The following NAA11 variants were observed in gnomAD, a reference collection of about 807,000 sequenced individuals.
NAA11 encodes the protein N-alpha-acetyltransferase 11.
NAA11 carries 15 observed loss-of-function variants against 16.1 expected under a neutral mutation model. The observed-to-expected ratio is 0.93, with a 90% CI of 0.62 to 1.44. NAA11 has a LOEUF of 1.44. Ranked by LOEUF, NAA11 falls within the 40% of genes most tolerant of loss-of-function variation. The probability of loss-of-function intolerance (pLI) is 0.00; values close to 1 mark genes in which losing one functional copy is unlikely to be tolerated. For synonymous variants in NAA11, 122 were observed against 112.4 expected, an observed-to-expected ratio of 1.09 and a Z score of -0.54; for missense variants, 298 against 291.3, an observed-to-expected ratio of 1.02 and a Z score of -0.17.
At chr4:79,257,673 A>G (rs891768585) in intron 2 of NAA11, among the ~76,000 whole-genome samples, 4 of 152,006 alleles carry the variant, frequency 2.6e-5, no homozygotes, top group Non-Finnish European at 4.4e-5. Flanking sequence ...AGCTTTTTAA[A>G]ATTTCTAATT....
At chr4:79,156,447 C>T in the NAA11 span, among the ~76,000 whole-genome samples, 2 of 152,040 alleles carry the variant, frequency 1.3e-5, no homozygotes, top group Non-Finnish European at 2.9e-5. Context: ...CTAAAATCTG[C>T]AGGATGGACC....
At chr4:79,288,351 A>G (rs1227915744) in intron 2 of NAA11, among the ~76,000 whole-genome samples, 1 of 152,230 alleles carries the variant, frequency 6.6e-6, no homozygotes, top group Non-Finnish European at 1.5e-5. Flanking sequence ...AGGTGCCAGA[A>G]CAATAATTAA....
the NAA11 span, among the ~76,000 whole-genome samples, chr4:79,215,801 T>G: frequency 6.6e-6 from 1 of 152,180 alleles, no homozygotes; most frequent in Non-Finnish European, 1.5e-5. Context: ...TAATAGTAGT[T>G]CTTATCTCAT....
chr4:79,293,468 A>C (rs1479786832), intron 2 of NAA11, among the ~76,000 whole-genome samples: 2 of 152,210 alleles, frequency 1.3e-5, no homozygotes, highest in Non-Finnish European at 1.5e-5. Context: ...TACCTATATC[A>C]AGTCAATTAA....
the NAA11 span, among the ~76,000 whole-genome samples, chr4:79,158,196 C>T: frequency 1.3e-5 from 2 of 152,018 alleles, no homozygotes; most frequent in South Asian, 2.1e-4. Context: ...ACACTGTGCC[C>T]GGCCTATGAT....
chr4:79,311,647 ACT>A (rs976386809), downstream of NAA11, among the ~76,000 whole-genome samples: 4 of 152,156 alleles, frequency 2.6e-5, no homozygotes, highest in Non-Finnish European at 5.9e-5. Flanking sequence ...TTAGGGTATA[ACT>A]CTAGGTATAA....
Position 79,247,570 on chromosome 4 carries a change from C to T in NAA11, c.*123-21300G>A, listed in dbSNP as rs181472616. Among the ~76,000 whole-genome samples, 427 of 152,242 alleles carry T rather than the reference C, an allele frequency of 2.8e-3. 2 individuals are homozygous for T. Among genetic ancestry groups the T allele is most frequent in the Non-Finnish European group, 5.3e-3 (358 of 68,026 alleles). On this transcript the variant is annotated intron_variant and NMD_transcript_variant, in intron 2 of 2. Transcript: ENST00000511542. ...TGGAGGCAACATAGCCAACTAAATA[C>T]AGCCAGGAGGAACATCTGCCACCAA... is the stretch of plus-strand genomic sequence containing the variant.
At chr4:79,163,296 A>G in the NAA11 span, among the ~76,000 whole-genome samples, 2 of 152,200 alleles carry the variant, frequency 1.3e-5, no homozygotes, top group Non-Finnish European at 2.9e-5. Flanking sequence ...AGGGATTCTA[A>G]TATCATCTCT....
At chr4:79,251,545 A>G (rs1721995182) in intron 2 of NAA11, among the ~76,000 whole-genome samples, 1 of 152,198 alleles carries the variant, frequency 6.6e-6, no homozygotes, top group African/African-American at 2.4e-5. Flanking sequence ...TACCTGGGTG[A>G]TGAAACAATC....
intron 2 of NAA11, among the ~76,000 whole-genome samples, chr4:79,273,199 C>A (rs1313381383): frequency 6.6e-6 from 1 of 151,794 alleles, no homozygotes; most frequent in Non-Finnish European, 1.5e-5. Context: ...CATACAAGTA[C>A]ATATATAGAA....
At chr4:79,212,314 A>C in the NAA11 span, among the ~76,000 whole-genome samples, 1 of 151,948 alleles carries the variant, frequency 6.6e-6, no homozygotes, top group African/African-American at 2.4e-5. Context: ...TTTTCTTTTC[A>C]TTTTACTCTG....
At chr4:79,167,132 T>TTATATATATATATATATATATATATATA in the NAA11 span, among the ~76,000 whole-genome samples, 223 of 17,122 alleles carry the variant, frequency 0.013, 30 homozygotes, top group Non-Finnish European at 0.016. Flanking sequence ...ACAGCTTATT[T>TTATATATATATATATATATATATATATA]TATATATATA....
Position 79,325,736 on chromosome 4 carries a change from C to T in NAA11, c.142G>A (p.Glu48Lys). The change falls in exon 1 of 2, where the codon GAG becomes AAG. Residue 48 changes from glutamate to lysine, a missense_variant. Transcript: ENST00000286794. Reference protein sequence around the residue: ...WPQLSYIAEDEDGKIVGYVLA... With the variant: ...WPQLSYIAEDKDGKIVGYVLA... Reference sequence around the variant, plus strand: ...ACATAGCCCACAATCTTCCCGTCCTCATCCTCAGCGATGTAAGAAAGCTGG... The same window carrying T: ...ACATAGCCCACAATCTTCCCGTCCTTATCCTCAGCGATGTAAGAAAGCTGG... 6.2e-7 allele frequency: 1 copy of T among 1,614,220 alleles called. No individual in the cohort carries two copies. The highest frequency in any genetic ancestry group is 8.5e-7 in the Non-Finnish European group (1 of 1,180,040).
chr4:79,192,239 T>G, the NAA11 span, among the ~76,000 whole-genome samples: 1 of 152,158 alleles, frequency 6.6e-6, no homozygotes. Context: ...GATAATTTTT[T>G]TTTTGTACTT....
the NAA11 span, among the ~76,000 whole-genome samples, chr4:79,158,393 A>G: frequency 6.6e-6 from 1 of 152,124 alleles, no homozygotes; most frequent in African/African-American, 2.4e-5. Flanking sequence ...ACTTAACAAT[A>G]TACCTAACTG....
chr4:79,268,490 C>T (rs953115965), intron 2 of NAA11, among the ~76,000 whole-genome samples: 3 of 152,090 alleles, frequency 2.0e-5, no homozygotes, highest in Admixed American at 6.6e-5. Context: ...CTTTACTGTA[C>T]TCAGATTGGG....
chr4:79,202,536 A>ACACG, the NAA11 span, among the ~76,000 whole-genome samples: 1 of 142,612 alleles, frequency 7.0e-6, no homozygotes, highest in East Asian at 2.1e-4. Flanking sequence ...ACACACACAC[A>ACACG]CACACGCACA....
At chr4:79,157,769 G>A in the NAA11 span, among the ~76,000 whole-genome samples, 1 of 151,918 alleles carries the variant, frequency 6.6e-6, no homozygotes, top group East Asian at 1.9e-4. Flanking sequence ...AACAAGACAA[G>A]GATGGCCACT....
rs78634364 is a variant in NAA11 at position 79,248,123 on chromosome 4, C to T, written c.*123-21853G>A. ...CTACTGGCCTCTCCTAGGGCCCTGG[C>T]CTGACCACACCTGCTTGCAGTGCAG... On this transcript the variant is annotated intron_variant and NMD_transcript_variant, in intron 2 of 2. Coordinates refer to the NAA11 transcript ENST00000511542. Among the ~76,000 whole-genome samples the T allele has an allele frequency of 7.1e-3, 1,083 of 152,254 alleles. 14 individuals are homozygous for T. Among genetic ancestry groups the T allele is most frequent in the African/African-American group, 0.024 (1,016 of 41,538 alleles).
Sources: gnomAD v4.1 joint callset for allele counts (sites outside exome capture counted in the v4.1 genomes callset) on GRCh38, gnomAD v4.1.1 for gene constraint, MANE v1.5 for transcripts, NCBI Gene and HGNC (gene_info 2026-07-23, HGNC 2026-07-21) for gene names.